AOPEP: variants seen among roughly 807,000 people sequenced by gnomAD.
The protein encoded by AOPEP is aminopeptidase O.
Under a neutral mutation model 98.1 loss-of-function variants are expected in AOPEP, and 77 were observed. The observed-to-expected ratio is 0.78, with a 90% CI of 0.65 to 0.95. AOPEP has a LOEUF of 0.95. Among genes scored for constraint, AOPEP ranks in the 40% least tolerant of loss-of-function variants. The pLI is 0.00. For synonymous variants in AOPEP, 346 were observed against 365.3 expected (o/e 0.95, Z 0.60); for missense variants, 1,024 against 1,024.7 (o/e 1.00, Z 0.01).
intron 5 of AOPEP, among the ~76,000 whole-genome samples, chr9:94,898,159 A>G (rs2049843274): frequency 6.6e-6 from 1 of 151,980 alleles, no homozygotes; most frequent in Non-Finnish European, 1.5e-5. Context: ...GCTCTCTTTG[A>G]CTCAGCACTT....
chr9:94,977,597 CCA>C (rs549823724), intron 10 of AOPEP, among the ~76,000 whole-genome samples: 1 of 152,146 alleles, frequency 6.6e-6, no homozygotes, highest in Admixed American at 6.5e-5. Flanking sequence ...CCTGCCTCCA[CCA>C]CACACACACG....
intron 5 of AOPEP, chr9:94,904,147 C>G (rs2136293165): frequency 6.6e-6 from 1 of 152,226 alleles, no homozygotes; most frequent in East Asian, 1.9e-4. Flanking sequence ...ATTAATCCCT[C>G]CAGAAGTAAA....
At position 94,800,771 on chromosome 9, in the gene AOPEP, G is replaced by A. The variant is rs763133442; in HGVS notation, c.1133G>A (p.Cys378Tyr). The A allele has an allele frequency of 6.2e-7, 1 of 1,614,064 alleles. No homozygotes were observed. The highest frequency in any genetic ancestry group is 8.5e-7 in the Non-Finnish European group (1 of 1,179,924). Residue 378 changes from cysteine (C) to tyrosine (Y), a missense_variant, in exon 5 of 17, where the codon TGC becomes TAC. By Grantham distance (194) the Cys-to-Tyr change is radical (BLOSUM62 -2). Coordinates refer to ENST00000375315, the MANE Select transcript of AOPEP (RefSeq NM_001193329.3). ...SEANFRHVGV[C>Y]SHMEYPCRFQ... The stretch of plus-strand genomic sequence containing the variant: ...GTTATTCCCAGGCATGTTGGTGTTT[G>A]CAGTCACATGGAATACCCCTGCCGC...
At chr9:94,783,713 G>T (rs1405681990) in intron 3 of AOPEP, among the ~76,000 whole-genome samples, 1 of 151,920 alleles carries the variant, frequency 6.6e-6, no homozygotes, top group Non-Finnish European at 1.5e-5. Context: ...TAAAATATAT[G>T]ATATATACAT....
chr9:94,860,832 A>G (rs2044857705), intron 5 of AOPEP, among the ~76,000 whole-genome samples: 1 of 152,204 alleles, frequency 6.6e-6, no homozygotes, highest in Non-Finnish European at 1.5e-5. Context: ...CACAGAGCAC[A>G]CCATAAATAG....
At chr9:94,888,494 A>G (rs2048494155) in intron 5 of AOPEP, among the ~76,000 whole-genome samples, 1 of 152,230 alleles carries the variant, frequency 6.6e-6, no homozygotes, top group Admixed American at 6.5e-5. Flanking sequence ...TCCACAATTT[A>G]TTCAGATTTC....
intron 13 of AOPEP, among the ~76,000 whole-genome samples, chr9:95,016,993 A>G (rs904523767): frequency 2.0e-5 from 3 of 148,576 alleles, no homozygotes; most frequent in African/African-American, 7.3e-5. Context: ...ATTTATAATT[A>G]TATATAATTA....
intron 15 of AOPEP, 154 bp downstream of exon 15, chr9:95,080,934 T>C (rs2069680384): frequency 1.6e-6 from 1 of 635,924 alleles, no homozygotes; most frequent in Non-Finnish European, 2.8e-6. Context: ...ACACTGATTT[T>C]TCTGAGCTGC....
intron 5 of AOPEP, 104 bp from the exon 6 acceptor site, chr9:94,923,882 C>A: frequency 1.5e-6 from 1 of 677,116 alleles, no homozygotes; most frequent in Non-Finnish European, 2.2e-6. Flanking sequence ...CTAGCATGCA[C>A]ATGATAATAA....
At chr9:94,962,767 C>G (rs544520993) in intron 9 of AOPEP, among the ~76,000 whole-genome samples, 30 of 140,796 alleles carry the variant, frequency 2.1e-4, no homozygotes, top group South Asian at 2.0e-3. Flanking sequence ...AAGTCTCACT[C>G]TGTCACCCAG....
At chr9:94,777,039 T>A (rs73532355) in intron 3 of AOPEP, among the ~76,000 whole-genome samples, 1,694 of 152,224 alleles carry the variant, frequency 0.011, 28 homozygotes, top group African/African-American at 0.038. Context: ...TTCTTTTTTT[T>A]AATATTTTTA....
At chr9:95,096,396 A>G in the AOPEP span, among the ~76,000 whole-genome samples, 1 of 151,960 alleles carries the variant, frequency 6.6e-6, no homozygotes, top group Non-Finnish European at 1.5e-5. Context: ...AGTCCCTGGC[A>G]GGATGGAATG....
intron 5 of AOPEP, among the ~76,000 whole-genome samples, chr9:94,864,676 T>C (rs2045506288): frequency 6.6e-6 from 1 of 152,104 alleles, no homozygotes; most frequent in South Asian, 2.1e-4. Flanking sequence ...TCTAATGGTA[T>C]GTGTTTAATA....
rs1382984702 is a variant in AOPEP, at chr9:94,928,520, G to A, written c.1650G>A (p.Met550Ile). 3 of 1,550,542 alleles carry A rather than the reference G, an allele frequency of 1.9e-6. No homozygotes were observed. The highest frequency in any genetic ancestry group is 2.6e-6 in the Non-Finnish European group (3 of 1,146,798). The change falls in exon 7 of 17, where the codon ATG becomes ATA. Residue 550 changes from methionine to isoleucine, a missense_variant. By Grantham distance (10) the Met-to-Ile change is conservative (BLOSUM62 1). Transcript: ENST00000375315. Reference sequence around the variant, plus strand: ...AGATGCAATGCTCCCCCGAGGAGATGCAGGTGTTAAGGTAAAGCTGCATGG... The same window carrying A: ...AGATGCAATGCTCCCCCGAGGAGATACAGGTGTTAAGGTAAAGCTGCATGG... ...QDEMQCSPEE[M>I]QVLRPSKDKT...
chr9:94,906,015 C>T (rs72748587), intron 5 of AOPEP, among the ~76,000 whole-genome samples: 4,898 of 152,138 alleles, frequency 0.032, 201 homozygotes, highest in African/African-American at 0.094. Flanking sequence ...GGGAAAGAAA[C>T]GAATAACTTA....
At chr9:94,906,902 C>A (rs1012749496) in intron 5 of AOPEP, among the ~76,000 whole-genome samples, 2 of 152,160 alleles carry the variant, frequency 1.3e-5, no homozygotes, top group Non-Finnish European at 2.9e-5. Context: ...GGTGTGTGTT[C>A]CCTGAATGGA....
intron 7 of AOPEP, among the ~76,000 whole-genome samples, chr9:94,939,752 T>C (rs2056783332): frequency 1.3e-5 from 2 of 152,320 alleles, no homozygotes; most frequent in African/African-American, 2.4e-5. Flanking sequence ...GTACTCAGTA[T>C]CCTCGGGGCA....
At chr9:94,841,614 CCTTT>C (rs1176701303) in intron 5 of AOPEP, among the ~76,000 whole-genome samples, 1 of 152,060 alleles carries the variant, frequency 6.6e-6, no homozygotes, top group Non-Finnish European at 1.5e-5. Context: ...GCTCCTATTA[CCTTT>C]CTATTATTGA....
intron 5 of AOPEP, among the ~76,000 whole-genome samples, chr9:94,805,809 G>C (rs1849148184): frequency 6.6e-6 from 1 of 152,342 alleles, no homozygotes; most frequent in East Asian, 1.9e-4. Flanking sequence ...TCCCGGGTTA[G>C]ACAGGGTGTT....
Sources: allele counts gnomAD v4.1 joint callset (sites outside exome capture counted in the v4.1 genomes callset), GRCh38; gene constraint gnomAD v4.1.1; transcripts MANE v1.5; gene names NCBI Gene and HGNC (gene_info 2026-07-23, HGNC 2026-07-21).